KCNQ5: variants seen among roughly 807,000 people sequenced by gnomAD.
KCNQ5 encodes potassium voltage-gated channel subfamily KQT member 5.
A neutral mutation model predicts 98.2 loss-of-function variants in KCNQ5; 30 were observed. The ratio of observed to expected loss-of-function variants is 0.31; its 90% confidence interval spans 0.23 to 0.41. The LOEUF is 0.41. Ranked by LOEUF, KCNQ5 falls within the 10% of genes least tolerant of loss-of-function variation. KCNQ5 has a pLI of 1.00. For synonymous variants in KCNQ5, 458 were observed against 449.4 expected, an observed-to-expected ratio of 1.02 and a Z score of -0.24; for missense variants, 835 against 1,182.5, an observed-to-expected ratio of 0.71 and a Z score of 4.31.
At chr6:72,809,662 CTG>C (rs931568270) in intron 1 of KCNQ5, among the ~76,000 whole-genome samples, 2 of 152,206 alleles carry the variant, frequency 1.3e-5, no homozygotes, top group African/African-American at 4.8e-5. Context: ...TGAATGCTGA[CTG>C]TGTTGGATGG....
intron 1 of KCNQ5, among the ~76,000 whole-genome samples, chr6:72,642,174 A>C (rs1218281601): frequency 2.0e-5 from 3 of 150,016 alleles, no homozygotes; most frequent in Non-Finnish European, 4.4e-5. Context: ...AGCGTGTTAA[A>C]AAGGCCTCCC....
intron 1 of KCNQ5, among the ~76,000 whole-genome samples, chr6:72,701,295 G>A (rs1337084937): frequency 1.3e-5 from 2 of 152,102 alleles, no homozygotes; most frequent in Non-Finnish European, 2.9e-5. Context: ...CTTACATAAC[G>A]TTTAAGGCTT....
intron 1 of KCNQ5, among the ~76,000 whole-genome samples, chr6:72,670,470 G>T (rs923857534): frequency 1.3e-5 from 2 of 151,586 alleles, no homozygotes; most frequent in East Asian, 1.9e-4. Flanking sequence ...TAGGGTTTTT[G>T]TTTTTTTTGT....
At chr6:72,667,012 T>G (rs1437429123) in intron 1 of KCNQ5, among the ~76,000 whole-genome samples, 2 of 152,182 alleles carry the variant, frequency 1.3e-5, no homozygotes, top group African/African-American at 4.8e-5. Context: ...TTAAAAGATG[T>G]GTGCTACTAT....
chr6:72,918,997 C>A (rs563972232), intron 1 of KCNQ5, among the ~76,000 whole-genome samples: 10 of 152,276 alleles, frequency 6.6e-5, no homozygotes, highest in African/African-American at 2.4e-4. Context: ...TCCTTTCTCT[C>A]CCTCCCCTTC....
chr6:72,805,608 C>T (rs1177782856), intron 1 of KCNQ5, among the ~76,000 whole-genome samples: 2 of 152,010 alleles, frequency 1.3e-5, no homozygotes, highest in Non-Finnish European at 2.9e-5. Flanking sequence ...AATGTGATTC[C>T]TCCAGTTTTG....
At chr6:72,730,534 T>A (rs1770504819) in intron 1 of KCNQ5, among the ~76,000 whole-genome samples, 1 of 152,224 alleles carries the variant, frequency 6.6e-6, no homozygotes, top group Non-Finnish European at 1.5e-5. Context: ...TTTTTCTGTA[T>A]GGCCACCCAG....
rs185752678 is a variant in KCNQ5 at position 73,127,371 on chromosome 6, C to T, written c.1247+2859C>T. Among the ~76,000 whole-genome samples, 398 of 152,230 alleles carry T rather than the reference C, an allele frequency of 2.6e-3. 4 individuals are homozygous for T. The highest frequency in any genetic ancestry group is 9.3e-3 in the African/African-American group (387 of 41,520). On this transcript the variant is annotated intron_variant, in intron 9 of 13. Transcript: ENST00000370398. ...GACAAGCTTCAGCCCAAGCAGGAGC[C>T]AACATTTTCACCTTTTAGCCCAGAG... is the stretch of plus-strand genomic sequence containing the variant.
At chr6:72,813,328 T>C (rs923981793) in intron 1 of KCNQ5, among the ~76,000 whole-genome samples, 4 of 152,218 alleles carry the variant, frequency 2.6e-5, no homozygotes, top group African/African-American at 9.6e-5. Context: ...ATTTTTTATT[T>C]TTTTCCATAA....
rs149870257 is a variant in KCNQ5, at chr6:73,027,370, G to A, written c.490-14566G>A. ...ACTTACCTGTGGGACAGACCGACAC[G>A]TATTTGCATAGTAATTTGTACAGCT... On this transcript the variant is annotated intron_variant, in intron 2 of 13. Coordinates refer to ENST00000370398, the MANE Select transcript of KCNQ5 (RefSeq NM_019842.4). 9.9e-5 allele frequency among the ~76,000 whole-genome samples: 15 copies of A among 152,242 alleles called. No individual in the cohort carries two copies. In the East Asian group the frequency reaches 2.1e-3, roughly 22 times the overall value.
At chr6:72,835,153 A>T (rs749665887) in intron 1 of KCNQ5, among the ~76,000 whole-genome samples, 1 of 152,194 alleles carries the variant, frequency 6.6e-6, no homozygotes. Context: ...GTCAATGTGT[A>T]TAATGGTTTC....
chr6:72,707,582 A>G (rs573785154), intron 1 of KCNQ5, among the ~76,000 whole-genome samples: 1 of 152,210 alleles, frequency 6.6e-6, no homozygotes, highest in East Asian at 1.9e-4. Context: ...TTAAATATTC[A>G]ATTTATTTCA....
chr6:73,042,118 T>C, intron 3 of KCNQ5, 56 bp downstream of exon 3: 1 of 1,597,488 alleles, frequency 6.3e-7, no homozygotes. Flanking sequence ...TTGTCTTCTA[T>C]CTCCTGTTTT....
chr6:72,813,864 C>T (rs1470736669), intron 1 of KCNQ5, among the ~76,000 whole-genome samples: 2 of 151,878 alleles, frequency 1.3e-5, no homozygotes, highest in Admixed American at 1.3e-4. Context: ...TTCAAATATT[C>T]TTGTCCTCTT....
intron 1 of KCNQ5, among the ~76,000 whole-genome samples, chr6:72,899,357 C>T (rs1165024936): frequency 6.6e-6 from 1 of 152,092 alleles, no homozygotes; most frequent in African/African-American, 2.4e-5. Context: ...GATTCTTTTT[C>T]TCTCAAATAT....
At chr6:73,089,217 A>G (rs1774126069) in intron 5 of KCNQ5, among the ~76,000 whole-genome samples, 1 of 152,224 alleles carries the variant, frequency 6.6e-6, no homozygotes, top group Non-Finnish European at 1.5e-5. Flanking sequence ...CTAGTTGGGA[A>G]GGCAAACAAT....
intron 1 of KCNQ5, among the ~76,000 whole-genome samples, chr6:72,635,105 C>T (rs2098923290): frequency 6.6e-6 from 1 of 151,338 alleles, no homozygotes; most frequent in South Asian, 2.1e-4. Context: ...CAGCTCACTG[C>T]AGCCTCCATC....
At chr6:72,983,849 T>C (rs1049645038) in intron 1 of KCNQ5, among the ~76,000 whole-genome samples, 3 of 152,232 alleles carry the variant, frequency 2.0e-5, no homozygotes, top group Non-Finnish European at 4.4e-5. Context: ...GATCTACAGA[T>C]GGGGTTTTGG....
chr6:72,918,945 C>A (rs145930550), intron 1 of KCNQ5, among the ~76,000 whole-genome samples: 117 of 152,288 alleles, frequency 7.7e-4, no homozygotes, highest in African/African-American at 2.8e-3. Context: ...CTTCTCCCCT[C>A]TTGCCTTGTC....
Sources: gnomAD v4.1 joint callset for allele counts (sites outside exome capture counted in the v4.1 genomes callset) on GRCh38, gnomAD v4.1.1 for gene constraint, MANE v1.5 for transcripts, NCBI Gene and HGNC (gene_info 2026-07-23, HGNC 2026-07-21) for gene names.